Variants in NPTXR observed in about 807,000 individuals in gnomAD.
NPTXR encodes the protein neuronal pentraxin receptor.
NPTXR carries 12 observed loss-of-function variants against 32.2 expected under a neutral mutation model. The observed-to-expected ratio is 0.37, with a 90% confidence interval of 0.24 to 0.60. The LOEUF (loss-of-function observed/expected upper bound fraction) is 0.60. Ranked by LOEUF, NPTXR falls within the 20% of genes least tolerant of loss-of-function variation. NPTXR has a pLI of 0.66. For missense variants in NPTXR, 612 were observed against 682.9 expected (o/e 0.90, Z 1.16); for synonymous variants, 323 against 315.8 (o/e 1.02, Z -0.24).
intron 3 of NPTXR, among the ~76,000 whole-genome samples, chr22:38,824,017 G>A (rs1206779216): frequency 6.6e-6 from 1 of 151,696 alleles, no homozygotes; most frequent in Non-Finnish European, 1.5e-5. Flanking sequence ...TCACTATGTT[G>A]CCCAGGATAG....
intron 2 of NPTXR, among the ~76,000 whole-genome samples, chr22:38,827,483 C>T (rs2146193030): frequency 6.6e-6 from 1 of 152,222 alleles, no homozygotes; most frequent in Non-Finnish European, 1.5e-5. Flanking sequence ...ATCCGCCCAC[C>T]TCAACCTCCC....
At chr22:38,829,565 T>C (rs2093112985) in intron 1 of NPTXR, among the ~76,000 whole-genome samples, 1 of 152,126 alleles carries the variant, frequency 6.6e-6, no homozygotes, top group African/African-American at 2.4e-5. Flanking sequence ...ACCTTCACCA[T>C]CCTCCACCAT....
chr22:38,841,109 A>T (rs552938348), intron 1 of NPTXR, among the ~76,000 whole-genome samples: 34 of 152,334 alleles, frequency 2.2e-4, no homozygotes, highest in Admixed American at 3.3e-4. Flanking sequence ...GACAGTGGCT[A>T]ACGGGTGCAT....
At chr22:38,830,367 T>C (rs755151743) in intron 1 of NPTXR, among the ~76,000 whole-genome samples, 20 of 152,002 alleles carry the variant, frequency 1.3e-4, no homozygotes, top group Non-Finnish European at 2.4e-4. Flanking sequence ...GTGCATGGGG[T>C]AGGTGGGAAG....
rs1018157501 is a variant in NPTXR, at chr22:38,826,684, A to G, written c.914T>C (p.Met305Thr). The G allele has an allele frequency of 1.2e-6, 2 of 1,614,280 alleles. No homozygotes were observed. The highest frequency in any genetic ancestry group is 1.7e-6 in the Non-Finnish European group (2 of 1,180,048). ...CAGAGCCTTCCGCACGCGGGCGTAC[A>G]TGTAGTTGTTACGGATGGGGATGCT... Residue 305 changes from methionine (M) to threonine (T), a missense_variant, in exon 3 of 5, where the codon ATG becomes ACG. By Grantham distance (81) the Met-to-Thr change is moderately conservative. Coordinates refer to ENST00000333039, the MANE Select transcript of NPTXR (RefSeq NM_014293.4).
intron 3 of NPTXR, among the ~76,000 whole-genome samples, chr22:38,824,904 G>A (rs986279609): frequency 2.0e-5 from 3 of 152,182 alleles, no homozygotes; most frequent in Admixed American, 6.5e-5. Context: ...AGAATGCCAT[G>A]AAATGCACCT....
At chr22:38,830,879 A>G (rs1341461225) in intron 1 of NPTXR, among the ~76,000 whole-genome samples, 3 of 151,050 alleles carry the variant, frequency 2.0e-5, no homozygotes, top group Non-Finnish European at 4.4e-5. Flanking sequence ...GGCCACCATT[A>G]TCCACCCCCC....
At chr22:38,832,054 C>T (rs538308475) in intron 1 of NPTXR, among the ~76,000 whole-genome samples, 6 of 152,302 alleles carry the variant, frequency 3.9e-5, no homozygotes, top group African/African-American at 1.4e-4. Flanking sequence ...CCAGCAAGAA[C>T]AGGGAGTCGA....
At chr22:38,830,908 G>A (rs921403207) in intron 1 of NPTXR, among the ~76,000 whole-genome samples, 3 of 152,326 alleles carry the variant, frequency 2.0e-5, no homozygotes, top group African/African-American at 4.8e-5. Flanking sequence ...TGTGTAAGAG[G>A]TCACGGCCTC....
Position 38,823,258 on chromosome 22 carries a change from G to A in NPTXR, c.1103C>T (p.Ala368Val). The A allele has an allele frequency of 6.2e-7, 1 of 1,610,748 alleles. No individual in the cohort carries two copies. Among genetic ancestry groups the A allele is most frequent in the Non-Finnish European group, 8.5e-7 (1 of 1,179,940 alleles). ...GTCCTTCAGGCTCAGGGGCAGCTGG[G>A]CCACCTGGACACAGGTCCCCCAACC... The change falls in exon 4 of 5, where the codon GCC (alanine) becomes GTC (valine). Residue 368 changes from alanine to valine, a missense_variant. Coordinates refer to ENST00000333039, the MANE Select transcript of NPTXR (RefSeq NM_014293.4).
At chr22:38,826,799 TGGGGTGGACA>T (rs758227935) in intron 2 of NPTXR, 52 bp from the exon 3 acceptor site, 21 of 1,576,888 alleles carry the variant, frequency 1.3e-5, no homozygotes, top group Non-Finnish European at 1.8e-5. Flanking sequence ...CCGAAAAGGG[TGGGGTGGACA>T]GGGCACACTT....
In NPTXR at chr22:38,826,791, G is replaced by A. The variant is rs184402228; in HGVS notation, c.851-44C>T. On this transcript the variant is annotated intron_variant, in intron 2 of 4. Coordinates refer to ENST00000333039, the MANE Select transcript of NPTXR (RefSeq NM_014293.4). ...GACATGGTGGAGGTCGGTGGACACC[G>A]AAAAGGGTGGGGTGGACAGGGCACA... 3.3e-5 allele frequency: 53 copies of A among 1,584,204 alleles called. No individual in the cohort carries two copies. In the African/African-American group the frequency reaches 3.5e-4, roughly 10 times the overall value.
intron 3 of NPTXR, 74 bp downstream of exon 3, chr22:38,826,426 G>C: frequency 2.0e-6 from 3 of 1,499,560 alleles, no homozygotes; most frequent in South Asian, 1.3e-5. Context: ...GAGAATGAAA[G>C]AGCCCAGTGT....
intron 1 of NPTXR, among the ~76,000 whole-genome samples, chr22:38,831,447 A>G (rs1258635371): frequency 6.6e-6 from 1 of 152,182 alleles, no homozygotes; most frequent in East Asian, 1.9e-4. Context: ...GTTCATTCCC[A>G]GGACAGATGG....
chr22:38,838,423 C>T lies in NPTXR; in HGVS notation c.624+4812G>A, dbSNP rs912406431. Among the ~76,000 whole-genome samples the T allele has an allele frequency of 2.0e-5, 3 of 151,974 alleles. No homozygotes were observed. In the East Asian group the frequency reaches 5.8e-4, roughly 29 times the overall value. On this transcript the variant is annotated intron_variant, in intron 1 of 4. Coordinates refer to ENST00000333039, the MANE Select transcript of NPTXR (RefSeq NM_014293.4). ...TGTTAGTTATTATCAGCAGCAGCAG[C>T]AGCAGTGAAGGTCTTGCAGCAAGTC...
intron 1 of NPTXR, among the ~76,000 whole-genome samples, chr22:38,840,971 T>C (rs2093130862): frequency 6.6e-6 from 1 of 152,192 alleles, no homozygotes; most frequent in South Asian, 2.1e-4. Flanking sequence ...AGATAAGGAC[T>C]GAGAAGTCCT....
At chr22:38,838,724 G>A (rs2093127873) in intron 1 of NPTXR, among the ~76,000 whole-genome samples, 2 of 152,164 alleles carry the variant, frequency 1.3e-5, no homozygotes, top group South Asian at 4.2e-4. Context: ...TGGGACTACA[G>A]GTGCCCGCCA....
chr22:38,826,149 CTTCTCT>C (rs1363172801), intron 3 of NPTXR, among the ~76,000 whole-genome samples: 2 of 152,162 alleles, frequency 1.3e-5, no homozygotes, highest in East Asian at 1.9e-4. Context: ...GGCCACCTCC[CTTCTCT>C]TTAAGTCCAG....
chr22:38,831,392 G>A (rs929781663), intron 1 of NPTXR, among the ~76,000 whole-genome samples: 1 of 152,116 alleles, frequency 6.6e-6, no homozygotes, highest in African/African-American at 2.4e-5. Context: ...GAGCAACAGA[G>A]CGAGACAAAA....
Sources: gnomAD v4.1 joint callset for allele counts (sites outside exome capture counted in the v4.1 genomes callset) on GRCh38, gnomAD v4.1.1 for gene constraint, MANE v1.5 for transcripts, NCBI Gene and HGNC (gene_info 2026-07-23, HGNC 2026-07-21) for gene names.